The following ZFAT variants were observed in gnomAD, a reference collection of about 807,000 sequenced individuals.
The protein encoded by ZFAT is zinc finger and AT-hook domain containing, also known as zinc finger protein ZFAT.
ZFAT carries 64 observed loss-of-function variants against 117.7 expected under a neutral mutation model. The ratio of observed to expected loss-of-function variants is 0.54; its 90% CI spans 0.44 to 0.67. The LOEUF is 0.67. ZFAT is among the 30% of genes least tolerant of loss of function. The probability of loss-of-function intolerance (pLI) is 0.00; values close to 1 mark genes in which losing one functional copy is unlikely to be tolerated. For synonymous variants in ZFAT, 679 were observed against 615.0 expected, an observed-to-expected ratio of 1.10 and a Z score of -1.54; for missense variants, 1,433 against 1,584.5, an observed-to-expected ratio of 0.90 and a Z score of 1.62.
the ZFAT span, among the ~76,000 whole-genome samples, chr8:134,803,027 T>C: frequency 3.3e-5 from 5 of 152,196 alleles, no homozygotes; most frequent in Non-Finnish European, 7.4e-5. Flanking sequence ...ACTGACATCG[T>C]CTTTGATTCA....
the ZFAT span, among the ~76,000 whole-genome samples, chr8:134,754,209 G>GA: frequency 6.6e-6 from 1 of 152,208 alleles, no homozygotes; most frequent in Non-Finnish European, 1.5e-5. Flanking sequence ...GAGTCCTTGT[G>GA]AATAAATAAA....
chr8:134,638,945 A>G (rs988165050), intron 2 of ZFAT, among the ~76,000 whole-genome samples: 7 of 152,188 alleles, frequency 4.6e-5, no homozygotes, highest in African/African-American at 9.6e-5. Context: ...GAACCTGAAC[A>G]TTGGGGTAGA....
intron 1 of ZFAT, among the ~76,000 whole-genome samples, chr8:134,698,522 A>C (rs1002026396): frequency 1.3e-5 from 2 of 152,162 alleles, no homozygotes; most frequent in African/African-American, 4.8e-5. Context: ...GAATGCCCTG[A>C]TCAAATCTAT....
chr8:134,521,097 G>T, intron 12 of ZFAT, 96 bp from the exon 13 acceptor site: 1 of 801,874 alleles, frequency 1.2e-6, no homozygotes, highest in Non-Finnish European at 2.0e-6. Context: ...AATCTAGTAA[G>T]TATTATTTTG....
Position 134,509,620 on chromosome 8 carries a change from T to C in ZFAT, c.3491A>G (p.Gln1164Arg), listed in dbSNP as rs750068172. The C allele has an allele frequency of 1.1e-5, 18 of 1,613,222 alleles. No homozygotes were observed. The highest frequency in any genetic ancestry group is 1.5e-5 in the Non-Finnish European group (18 of 1,179,726). Residue 1164 changes from glutamine to arginine, a missense_variant and splice_region_variant, in exon 15 of 16, where the codon CAG becomes CGG. Coordinates refer to ENST00000377838, the MANE Select transcript of ZFAT (RefSeq NM_020863.4). ...TAGTTACAGAAGGAGGGTCCCTACC[T>C]GCTTAACCACAGTCACCGTCCCTGG... ...MAPGTVTVVK[Q>R]VTEEEPSSNH...
intron 1 of ZFAT, 29 bp downstream of exon 1, chr8:134,712,816 G>GGGGC: frequency 5.0e-6 from 2 of 400,208 alleles, no homozygotes; most frequent in Non-Finnish European, 7.4e-6. Flanking sequence ...CCCCCACCCC[G>GGGGC]TCTCACCCCA....
intron 1 of ZFAT, among the ~76,000 whole-genome samples, chr8:134,672,407 T>C (rs1003055089): frequency 1.3e-5 from 2 of 152,014 alleles, no homozygotes; most frequent in African/African-American, 2.4e-5. Context: ...GGGCCTGTTG[T>C]AGGGTGGGGG....
intron 1 of ZFAT, among the ~76,000 whole-genome samples, chr8:134,685,225 G>A (rs1833263376): frequency 6.6e-6 from 1 of 152,126 alleles, no homozygotes; most frequent in South Asian, 2.1e-4. Context: ...TTAGTGAGCT[G>A]CCAAAGAGCC....
At chr8:134,519,572 T>C (rs1820497979) in intron 13 of ZFAT, among the ~76,000 whole-genome samples, 1 of 152,268 alleles carries the variant, frequency 6.6e-6, no homozygotes, top group African/African-American at 2.4e-5. Context: ...TTTGTTTGTA[T>C]TAGCTTTTCA....
the ZFAT span, among the ~76,000 whole-genome samples, chr8:134,720,932 C>T: frequency 2.0e-5 from 3 of 152,170 alleles, no homozygotes; most frequent in Non-Finnish European, 2.9e-5. Flanking sequence ...CCTGTAGGGT[C>T]GGGAGGGCAT....
At chr8:134,559,993 A>G (rs1396764085) in intron 11 of ZFAT, among the ~76,000 whole-genome samples, 4 of 152,208 alleles carry the variant, frequency 2.6e-5, no homozygotes, top group African/African-American at 7.2e-5. Context: ...TTGGATTTTG[A>G]AAGTATTATC....
chr8:134,606,268 C>A (rs188207375), intron 5 of ZFAT, among the ~76,000 whole-genome samples: 1 of 152,288 alleles, frequency 6.6e-6, no homozygotes, highest in East Asian at 1.9e-4. Flanking sequence ...GGGTAACAAT[C>A]AGATGAGCAT....
At chr8:134,645,337 T>C (rs937822659) in intron 2 of ZFAT, among the ~76,000 whole-genome samples, 2 of 152,180 alleles carry the variant, frequency 1.3e-5, no homozygotes, top group Non-Finnish European at 2.9e-5. Context: ...AGCCTCAAAT[T>C]TTATGAACTT....
intron 13 of ZFAT, among the ~76,000 whole-genome samples, chr8:134,518,078 A>C (rs1820377386): frequency 6.6e-6 from 1 of 152,176 alleles, no homozygotes; most frequent in Non-Finnish European, 1.5e-5. Flanking sequence ...ACTTTTGCCT[A>C]CTAACTTTAG....
intron 1 of ZFAT, among the ~76,000 whole-genome samples, chr8:134,692,451 C>T (rs181010687): frequency 1.3e-5 from 2 of 152,296 alleles, no homozygotes; most frequent in Admixed American, 1.3e-4. Flanking sequence ...GGGCCATGGC[C>T]GCCCAGGACT....
intron 3 of ZFAT, among the ~76,000 whole-genome samples, chr8:134,620,405 A>C (rs1015452709): frequency 1.3e-5 from 2 of 152,194 alleles, no homozygotes; most frequent in Admixed American, 6.5e-5. Flanking sequence ...TCAACTGCAC[A>C]GTTGGCTCCC....
intron 1 of ZFAT, among the ~76,000 whole-genome samples, chr8:134,668,817 GA>G (rs1265334293): frequency 6.6e-6 from 1 of 152,198 alleles, no homozygotes; most frequent in African/African-American, 2.4e-5. Context: ...GCTAAAGGAG[GA>G]AGTTCAAACC....
chr8:134,718,808 G>A, the ZFAT span, among the ~76,000 whole-genome samples: 1 of 152,192 alleles, frequency 6.6e-6, no homozygotes, highest in African/African-American at 2.4e-5. Flanking sequence ...GCACTGCTTT[G>A]GATGTTCAGA....
chr8:134,719,395 G>T, the ZFAT span, among the ~76,000 whole-genome samples: 1 of 152,202 alleles, frequency 6.6e-6, no homozygotes, highest in East Asian at 1.9e-4. Context: ...GAGTGCCACG[G>T]GTGGGGGCGA....
Sources: allele counts gnomAD v4.1 joint callset (sites outside exome capture counted in the v4.1 genomes callset), GRCh38; gene constraint gnomAD v4.1.1; transcripts MANE v1.5; gene names NCBI Gene and HGNC (gene_info 2026-07-23, HGNC 2026-07-21).